The following STRN variants were observed in gnomAD, a reference collection of about 807,000 sequenced individuals.
The protein encoded by STRN is protein phosphatase 2 regulatory subunit B'''alpha.
In STRN, 53 loss-of-function variants were observed where a neutral mutation model predicts 96.3. The observed-to-expected ratio is 0.55, with a 90% CI of 0.44 to 0.69. The LOEUF is 0.69. STRN is among the 30% of genes least tolerant of loss of function. STRN has a pLI of 0.00. For synonymous variants in STRN, 428 were observed against 355.9 expected (o/e 1.20, Z -2.28); for missense variants, 987 against 963.9 (o/e 1.02, Z -0.32).
chr2:36,939,223 G>C (rs190968276), intron 1 of STRN, among the ~76,000 whole-genome samples: 1 of 151,434 alleles, frequency 6.6e-6, no homozygotes, highest in Non-Finnish European at 1.5e-5. Context: ...GAGCCGCCGC[G>C]CCCAGCCTGT....
intron 1 of STRN, among the ~76,000 whole-genome samples, chr2:36,951,752 C>T (rs1338621716): frequency 2.0e-5 from 3 of 152,192 alleles, no homozygotes; most frequent in Non-Finnish European, 4.4e-5. Context: ...TCAGAGTCTA[C>T]TGAGGAAACA....
chr2:36,927,193 T>A (rs1254958031), intron 1 of STRN, among the ~76,000 whole-genome samples: 1 of 152,024 alleles, frequency 6.6e-6, no homozygotes, highest in Non-Finnish European at 1.5e-5. Context: ...ACTTCAAGCA[T>A]AAGAGAAATT....
chr2:36,885,412 G>T (rs1454018453), intron 8 of STRN, among the ~76,000 whole-genome samples: 1 of 152,036 alleles, frequency 6.6e-6, no homozygotes, highest in Non-Finnish European at 1.5e-5. Flanking sequence ...TTTTTGTCAT[G>T]ACTCTCAAAA....
intron 10 of STRN, among the ~76,000 whole-genome samples, chr2:36,876,021 T>C (rs1364273809): frequency 1.3e-5 from 2 of 152,030 alleles, no homozygotes; most frequent in African/African-American, 2.4e-5. Context: ...AATCCCAGCA[T>C]TTAGTGGGAG....
At chr2:36,869,106 A>T (rs545392036) in intron 11 of STRN, among the ~76,000 whole-genome samples, 10 of 152,188 alleles carry the variant, frequency 6.6e-5, no homozygotes, top group Non-Finnish European at 1.5e-4. Context: ...CCAAAAGACA[A>T]GACCAAGACC....
At chr2:36,851,154 T>C in intron 15 of STRN, 47 bp from the exon 16 acceptor site, 2 of 1,499,848 alleles carry the variant, frequency 1.3e-6, no homozygotes, top group Non-Finnish European at 1.8e-6. Flanking sequence ...CAAAGATATT[T>C]TTCACACAAA....
intron 13 of STRN, among the ~76,000 whole-genome samples, chr2:36,859,838 A>C (rs527655079): frequency 6.6e-6 from 1 of 152,358 alleles, no homozygotes; most frequent in East Asian, 1.9e-4. Flanking sequence ...CAGTAAAATA[A>C]AAGACTAAAA....
At chr2:36,895,153 C>A (rs1463633975) in intron 6 of STRN, among the ~76,000 whole-genome samples, 1 of 152,000 alleles carries the variant, frequency 6.6e-6, no homozygotes, top group Non-Finnish European at 1.5e-5. Context: ...CGGTGAAACC[C>A]TGTCTCTACT....
rs1247212726 is a variant in STRN at position 36,873,739 on chromosome 2, T to A, written c.1324-4010A>T. ...GTGCGTGGATGATGAGGTCAGGAGA[T>A]TGAGACCATCCTGACCAACACGGTG... On this transcript the variant is annotated intron_variant, in intron 10 of 17. Transcript: ENST00000263918. 2.6e-5 allele frequency among the ~76,000 whole-genome samples: 4 copies of A among 151,638 alleles called. 1 individual carries two copies. In the South Asian group the frequency reaches 8.3e-4, roughly 32 times the overall value.
At chr2:36,860,911 A>G (rs900579627) in intron 13 of STRN, among the ~76,000 whole-genome samples, 8 of 152,242 alleles carry the variant, frequency 5.3e-5, no homozygotes, top group African/African-American at 1.9e-4. Context: ...ACTTTAGAGA[A>G]GTGGGAACTG....
intron 7 of STRN, among the ~76,000 whole-genome samples, chr2:36,892,009 C>T (rs1006933798): frequency 7.9e-5 from 12 of 151,980 alleles, no homozygotes; most frequent in South Asian, 4.2e-4. Flanking sequence ...ATGTGTGTAA[C>T]TAAAAACGTA....
intron 13 of STRN, 109 bp from the exon 14 acceptor site, chr2:36,858,132 A>G (rs536962544): frequency 1.3e-6 from 1 of 788,948 alleles, no homozygotes; most frequent in African/African-American, 1.7e-5. Flanking sequence ...ACAGTATAAA[A>G]TATGATTCTT....
At chr2:36,888,104 C>T (rs1337947553) in intron 7 of STRN, among the ~76,000 whole-genome samples, 1 of 152,216 alleles carries the variant, frequency 6.6e-6, no homozygotes, top group African/African-American at 2.4e-5. Context: ...AAAACCCATT[C>T]TTTCCCACTC....
At chr2:36,861,361 T>C (rs1244234756) in intron 12 of STRN, 108 bp from the exon 13 acceptor site, 1 of 1,402,308 alleles carries the variant, frequency 7.1e-7, no homozygotes, top group African/African-American at 1.4e-5. Flanking sequence ...ATTTTTCTGC[T>C]TTTTATAAAA....
intron 1 of STRN, among the ~76,000 whole-genome samples, chr2:36,926,500 T>A (rs1206251959): frequency 6.6e-6 from 1 of 152,192 alleles, no homozygotes; most frequent in Non-Finnish European, 1.5e-5. Context: ...CCTTGCCACA[T>A]CCCTAAGGAA....
chr2:36,914,239 C>T (rs1670034645), intron 3 of STRN, among the ~76,000 whole-genome samples: 2 of 152,204 alleles, frequency 1.3e-5, no homozygotes, highest in Admixed American at 6.5e-5. Context: ...AATCCTCCCA[C>T]CTTGGCCTCC....
intron 1 of STRN, among the ~76,000 whole-genome samples, chr2:36,948,527 T>A (rs1266067679): frequency 6.6e-6 from 1 of 152,208 alleles, no homozygotes; most frequent in East Asian, 1.9e-4. Flanking sequence ...TTTAACATCA[T>A]TAACAACATA....
At chr2:36,866,632 T>C (rs1161727238) in intron 12 of STRN, among the ~76,000 whole-genome samples, 1 of 152,224 alleles carries the variant, frequency 6.6e-6, no homozygotes, top group Non-Finnish European at 1.5e-5. Context: ...AGTGGGGTGT[T>C]AAAGTCTCCC....
chr2:36,892,761 T>G (rs985862358), intron 7 of STRN, among the ~76,000 whole-genome samples: 1 of 152,162 alleles, frequency 6.6e-6, no homozygotes, highest in African/African-American at 2.4e-5. Context: ...TGGCTCATGC[T>G]TGATATCCCA....
Sources: allele counts gnomAD v4.1 joint callset (sites outside exome capture counted in the v4.1 genomes callset), GRCh38; gene constraint gnomAD v4.1.1; transcripts MANE v1.5; gene names NCBI Gene and HGNC (gene_info 2026-07-23, HGNC 2026-07-21).